SMG6: variants seen among roughly 807,000 people sequenced by gnomAD.
SMG6 encodes the protein SMG6 nonsense mediated mRNA decay factor, also known as telomerase-binding protein EST1A.
SMG6 carries 66 observed loss-of-function variants against 142.2 expected under a neutral mutation model. The observed-to-expected ratio is 0.46, with a 90% CI of 0.38 to 0.57. SMG6 has a LOEUF of 0.57. Among genes scored for constraint, SMG6 ranks in the 20% least tolerant of loss-of-function variants. The pLI is 0.00. For synonymous variants in SMG6, 779 were observed against 702.4 expected, an observed-to-expected ratio of 1.11 and a Z score of -1.72; for missense variants, 1,793 against 1,832.0, an observed-to-expected ratio of 0.98 and a Z score of 0.39.
Position 2,300,505 on chromosome 17 carries a change from T to A in SMG6, c.248A>T (p.Asp83Val), listed in dbSNP as rs1211061601. 2 of 1,614,150 alleles carry A rather than the reference T, an allele frequency of 1.2e-6. No individual in the cohort carries two copies. Among genetic ancestry groups the A allele is most frequent in the Non-Finnish European group, 1.7e-6 (2 of 1,180,002 alleles). The change falls in exon 2 of 19, where the codon GAT (aspartate) becomes GTT (valine). Residue 83 changes from aspartate (D) to valine (V), a missense_variant. Coordinates refer to ENST00000263073, the MANE Select transcript of SMG6 (RefSeq NM_017575.5). ...EFKDEIVNDRDCSAVENGTQP... is the reference protein window; with the variant it reads ...EFKDEIVNDRVCSAVENGTQP... ...TGTACCATTTTCAACAGCAGAGCAA[T>A]CTCGGTCATTAACAATTTCATCTTT...
chr17:2,237,563 G>C, intron 9 of SMG6: 1 of 985,428 alleles, frequency 1.0e-6, no homozygotes, highest in Non-Finnish European at 1.2e-6. Context: ...ACAAGGCTCT[G>C]CTCATCGGGG....
At chr17:2,272,326 T>C (rs1249287635) in intron 8 of SMG6, among the ~76,000 whole-genome samples, 1 of 152,164 alleles carries the variant, frequency 6.6e-6, no homozygotes, top group African/African-American at 2.4e-5. Context: ...TTCACTTTCC[T>C]CTCTCCTCAC....
chr17:2,130,153 G>A (rs1428868617), intron 13 of SMG6, among the ~76,000 whole-genome samples: 10 of 150,978 alleles, frequency 6.6e-5, no homozygotes, highest in South Asian at 2.1e-4. Context: ...CCAGCTACTC[G>A]GGAGGCTGAG....
rs34923005 is a variant in SMG6 at position 2,133,791 on chromosome 17, T to C, written c.3357+38867A>G. 3.6e-4 allele frequency among the ~76,000 whole-genome samples: 55 copies of C among 152,346 alleles called. 1 individual carries two copies. Among genetic ancestry groups the C allele is most frequent in the African/African-American group, 7.2e-4 (30 of 41,580 alleles). On this transcript the variant is annotated intron_variant, in intron 13 of 18. Coordinates refer to ENST00000263073, the MANE Select transcript of SMG6 (RefSeq NM_017575.5). ...AGCCATGTGACTCTTGAGATGTAAATAGAACTTTTACGTAAAACCTTGAAG... is the reference window on the plus strand; with the variant it reads ...AGCCATGTGACTCTTGAGATGTAAACAGAACTTTTACGTAAAACCTTGAAG...
intron 15 of SMG6, among the ~76,000 whole-genome samples, chr17:2,073,476 C>T (rs925911276): frequency 6.7e-6 from 1 of 150,026 alleles, no homozygotes; most frequent in African/African-American, 2.5e-5. Context: ...TTTGGGAGGC[C>T]AAGGCGGGTG....
chr17:2,105,398 T>C (rs530427514), intron 13 of SMG6, among the ~76,000 whole-genome samples: 24 of 150,652 alleles, frequency 1.6e-4, no homozygotes, highest in African/African-American at 4.9e-4. Flanking sequence ...ATACAAAAAT[T>C]AGCCGGGCGT....
In SMG6 at chr17:2,300,657, C is replaced by T. The variant is rs186014825; in HGVS notation, c.96G>A (p.Met32Ile). 3.3e-4 allele frequency: 518 copies of T among 1,577,256 alleles called. 3 individuals carry two copies. The highest frequency in any genetic ancestry group is 1.4e-5 in the Non-Finnish European group (16 of 1,165,444). The change falls in exon 2 of 19, where the codon ATG becomes ATA. Residue 32 changes from methionine to isoleucine, a missense_variant. Physicochemically the swap from Met to Ile is conservative, Grantham distance 10 (BLOSUM62 1). This residue lies in a region of SMG6 where 1,597 missense variants were observed against 1,584.6 expected (regional missense o/e 1.01). Transcript: ENST00000263073. The part of the protein sequence containing the change: ...LAPQAGSREN[M>I]KELKEARPRK... Reference sequence around the variant, plus strand: ...GCGGCCTGGCCTCCTTTAATTCCTTCATGTTTTCTGTTATGTCGGGGAAAG... The same window carrying T: ...GCGGCCTGGCCTCCTTTAATTCCTTTATGTTTTCTGTTATGTCGGGGAAAG...
At chr17:2,174,200 A>G (rs1008569966) in intron 12 of SMG6, among the ~76,000 whole-genome samples, 18 of 152,158 alleles carry the variant, frequency 1.2e-4, no homozygotes, top group African/African-American at 4.3e-4. Flanking sequence ...GGAGTTCAAG[A>G]CCAGCCTGGG....
Position 2,244,737 on chromosome 17 carries a change from A to G in SMG6, c.2662-18T>C, listed in dbSNP as rs2073891356. 6.2e-7 allele frequency: 1 copy of G among 1,607,358 alleles called. No individual in the cohort carries two copies. The stretch of plus-strand genomic sequence containing the variant: ...TTGTTCAGCTGCATGGGAAAAAGGG[A>G]GAGGAGAAAACAATTAAACTTTCCC... On this transcript the variant is annotated intron_variant, in intron 8 of 18. Transcript: ENST00000263073.
At chr17:2,122,578 G>A (rs2069736946) in intron 13 of SMG6, 1 of 152,192 alleles carries the variant, frequency 6.6e-6, no homozygotes, top group African/African-American at 2.4e-5. Context: ...TATCCAGGAG[G>A]CAGAACTAAG....
chr17:2,077,091 C>T (rs370398654), intron 15 of SMG6, among the ~76,000 whole-genome samples: 3 of 152,336 alleles, frequency 2.0e-5, no homozygotes, highest in Middle Eastern at 6.8e-3. Flanking sequence ...TTTGTACGGA[C>T]GCTCATTCAC....
At chr17:2,102,091 T>C (rs945396927) in intron 13 of SMG6, among the ~76,000 whole-genome samples, 2 of 152,294 alleles carry the variant, frequency 1.3e-5, no homozygotes, top group East Asian at 3.9e-4. Flanking sequence ...GGAACGACAG[T>C]GTCGTGGCCT....
chr17:2,235,022 T>C (rs1881177946), intron 10 of SMG6, among the ~76,000 whole-genome samples: 1 of 152,192 alleles, frequency 6.6e-6, no homozygotes, highest in Non-Finnish European at 1.5e-5. Flanking sequence ...GAGATGGGAA[T>C]GAACAGGAGG....
At chr17:2,289,926 A>T (rs927603885) in intron 6 of SMG6, among the ~76,000 whole-genome samples, 1 of 125,366 alleles carries the variant, frequency 8.0e-6, no homozygotes, top group Admixed American at 8.4e-5. Context: ...AAAAAAAAAT[A>T]ATTATTATTT....
chr17:2,299,713 C>G lies in SMG6; in HGVS notation c.1040G>C (p.Arg347Pro). 2 of 1,614,158 alleles carry G rather than the reference C, an allele frequency of 1.2e-6. No individual in the cohort carries two copies. Among genetic ancestry groups the G allele is most frequent in the Middle Eastern group, 3.3e-4 (2 of 6,062 alleles). ...GEQKNSAKEY[R>P]GTLRVTFDAE... ...ATCGAAAGTGACACGAAGAGTGCCT[C>G]GATATTCTTTAGCACTGTTTTTCTG... is the stretch of plus-strand genomic sequence containing the variant. Residue 347 changes from arginine (R) to proline (P), a missense_variant, in exon 2 of 19, where the codon CGA (arginine) becomes CCA (proline). By Grantham distance (103) the Arg-to-Pro change is moderately radical. Transcript: ENST00000263073. This position sits in a 1 kb window ranked among gnomAD's most constrained non-coding sequence, Gnocchi z 4.3.
chr17:2,132,399 GC>G (rs2070151844), intron 13 of SMG6, among the ~76,000 whole-genome samples: 1 of 152,168 alleles, frequency 6.6e-6, no homozygotes, highest in Admixed American at 6.5e-5. Context: ...TGGCAGAGAA[GC>G]CCAGTCTACA....
At chr17:2,098,086 T>G (rs989408411) in intron 13 of SMG6, among the ~76,000 whole-genome samples, 1 of 152,144 alleles carries the variant, frequency 6.6e-6, no homozygotes, top group Admixed American at 6.5e-5. Context: ...CTTCTCAGAC[T>G]CAGGTGATCC....
chr17:2,242,823 T>C (rs1216258128), intron 9 of SMG6, among the ~76,000 whole-genome samples: 1 of 151,764 alleles, frequency 6.6e-6, no homozygotes, highest in East Asian at 1.9e-4. Flanking sequence ...TATCATCTTA[T>C]CCACCTTCAA....
In SMG6 at chr17:2,297,223, AC is replaced by A; in HGVS notation, c.2151+19del. ...TACGAAATGAATGAAAATTTAAGAT[AC>A]ATAAAGAAGGTAGCTTACTGTCTTG... On this transcript the variant is annotated intron_variant, in intron 4 of 18. Coordinates refer to ENST00000263073, the MANE Select transcript of SMG6 (RefSeq NM_017575.5). The A allele has an allele frequency of 6.5e-7, 1 of 1,541,782 alleles. No individual in the cohort carries two copies. The highest frequency in any genetic ancestry group is 8.9e-7 in the Non-Finnish European group (1 of 1,128,882).
Sources: allele counts gnomAD v4.1 joint callset (sites outside exome capture counted in the v4.1 genomes callset), GRCh38; gene constraint gnomAD v4.1.1; regional missense constraint gnomAD v4.1.1; non-coding constraint Gnocchi (gnomAD v3.1); transcripts MANE v1.5; gene names NCBI Gene and HGNC (gene_info 2026-07-23, HGNC 2026-07-21).